ST18: variants seen among roughly 807,000 people sequenced by gnomAD.
ST18 encodes the protein suppression of tumorigenicity 18 protein.
In ST18, 50 loss-of-function variants were observed where a neutral mutation model predicts 110.0. That is an observed-to-expected ratio of 0.45 (90% CI 0.36 to 0.58). The LOEUF is 0.58. Ranked by LOEUF, ST18 falls within the 20% of genes least tolerant of loss-of-function variation. ST18 has a pLI of 0.00. For synonymous variants in ST18, 461 were observed against 452.4 expected, an observed-to-expected ratio of 1.02 and a Z score of -0.24; for missense variants, 1,306 against 1,280.1, an observed-to-expected ratio of 1.02 and a Z score of -0.31.
chr8:52,390,849 A>G (rs1839085122), intron 2 of ST18, among the ~76,000 whole-genome samples: 1 of 152,258 alleles, frequency 6.6e-6, no homozygotes, highest in Non-Finnish European at 1.5e-5. Context: ...TCCAAAGGCC[A>G]CAGGTGCAGA....
chr8:52,388,221 G>A (rs891496472), intron 2 of ST18, among the ~76,000 whole-genome samples: 1 of 152,090 alleles, frequency 6.6e-6, no homozygotes, highest in East Asian at 1.9e-4. Context: ...GGGCGAATAC[G>A]GAGATGTGCA....
In ST18 at chr8:52,175,264, G is replaced by A. The variant is rs7833359; in HGVS notation, c.278-2681C>T. Among the ~76,000 whole-genome samples, 851 of 152,262 alleles carry A rather than the reference G, an allele frequency of 5.6e-3. 1 individual carries two copies. Among genetic ancestry groups the A allele is most frequent in the Middle Eastern group, 0.024 (7 of 294 alleles). On this transcript the variant is annotated intron_variant, in intron 9 of 25. Coordinates refer to ENST00000689386, the MANE Select transcript of ST18 (RefSeq NM_001352837.2). ...CCAGCTACTATTTTAGAAGGTAGTC[G>A]TGGCAGGGATTCTATGCAACCTTTA...
At chr8:52,400,857 G>A (rs532443277) in intron 2 of ST18, among the ~76,000 whole-genome samples, 26 of 151,910 alleles carry the variant, frequency 1.7e-4, no homozygotes, top group Non-Finnish European at 3.1e-4. Context: ...AGATTTACAC[G>A]CCACCACTAC....
intron 8 of ST18, among the ~76,000 whole-genome samples, chr8:52,189,754 C>A (rs1052900095): frequency 6.6e-6 from 1 of 152,158 alleles, no homozygotes; most frequent in Non-Finnish European, 1.5e-5. Context: ...TTCATCATGG[C>A]CCTTTGATAG....
At chr8:52,265,852 G>T (rs1353141467) in intron 2 of ST18, among the ~76,000 whole-genome samples, 2 of 152,244 alleles carry the variant, frequency 1.3e-5, no homozygotes, top group East Asian at 3.9e-4. Context: ...CAAGATAAAG[G>T]GACTGGATAA....
intron 2 of ST18, among the ~76,000 whole-genome samples, chr8:52,353,480 C>A (rs1413478273): frequency 6.6e-6 from 1 of 152,148 alleles, no homozygotes; most frequent in Non-Finnish European, 1.5e-5. Context: ...GTTGCCTTTG[C>A]TGCCAGAAAG....
intron 2 of ST18, among the ~76,000 whole-genome samples, chr8:52,350,752 G>T (rs954457572): frequency 6.7e-5 from 10 of 149,390 alleles, no homozygotes; most frequent in Admixed American, 2.0e-4. Context: ...ATGGAGTCTC[G>T]CTCTGTTGCC....
At chr8:52,365,390 C>T (rs188080709) in intron 2 of ST18, among the ~76,000 whole-genome samples, 3 of 151,714 alleles carry the variant, frequency 2.0e-5, no homozygotes, top group Admixed American at 1.3e-4. Context: ...ACCCTGAAAA[C>T]GGAGGATATG....
At chr8:52,260,017 A>T (rs918088753) in intron 2 of ST18, among the ~76,000 whole-genome samples, 3 of 152,230 alleles carry the variant, frequency 2.0e-5, no homozygotes, top group African/African-American at 7.2e-5. Context: ...AACATAGTGA[A>T]GTTTTCTTCA....
intron 8 of ST18, among the ~76,000 whole-genome samples, chr8:52,188,037 G>T (rs868159752): frequency 2.0e-5 from 3 of 152,146 alleles, no homozygotes; most frequent in Middle Eastern, 3.4e-3. Flanking sequence ...CAATAAATAC[G>T]TAATAAGTGC....
At chr8:52,197,354 C>G (rs1014443685) in intron 8 of ST18, among the ~76,000 whole-genome samples, 2 of 152,178 alleles carry the variant, frequency 1.3e-5, no homozygotes, top group Non-Finnish European at 2.9e-5. Flanking sequence ...CCATCAAATA[C>G]TAAGTTCCTA....
At chr8:52,174,950 A>G (rs2066327747) in intron 9 of ST18, among the ~76,000 whole-genome samples, 1 of 151,690 alleles carries the variant, frequency 6.6e-6, no homozygotes, top group Admixed American at 6.6e-5. Flanking sequence ...GGTTGCCTTC[A>G]TTTTCTCAGG....
chr8:52,204,253 A>T (rs960241950), intron 8 of ST18, among the ~76,000 whole-genome samples: 7 of 152,234 alleles, frequency 4.6e-5, no homozygotes, highest in African/African-American at 1.7e-4. Context: ...AATACCAAAG[A>T]AACCCAGATT....
chr8:52,388,103 A>G (rs1183276807), intron 2 of ST18, among the ~76,000 whole-genome samples: 2 of 152,184 alleles, frequency 1.3e-5, no homozygotes, highest in Non-Finnish European at 2.9e-5. Flanking sequence ...TTGTTTCGAA[A>G]ATGCGAGTTT....
At chr8:52,126,248 A>G in intron 22 of ST18, 108 bp from the exon 23 acceptor site, 1 of 1,050,158 alleles carries the variant, frequency 9.5e-7, no homozygotes, top group Non-Finnish European at 1.4e-6. Context: ...CCGATTAATT[A>G]CATTATAACC....
intron 2 of ST18, among the ~76,000 whole-genome samples, chr8:52,271,819 T>C (rs753487991): frequency 9.2e-5 from 14 of 152,262 alleles, no homozygotes; most frequent in Non-Finnish European, 1.8e-4. Context: ...AATGAACAAA[T>C]GCTTTCTTAC....
At chr8:52,395,680 G>A (rs529866502) in intron 2 of ST18, among the ~76,000 whole-genome samples, 38 of 152,318 alleles carry the variant, frequency 2.5e-4, no homozygotes, top group Middle Eastern at 6.8e-3. Context: ...TTCAGAAAAC[G>A]TTGAGGGTAC....
chr8:52,139,038 T>C (rs1028443784), intron 17 of ST18, among the ~76,000 whole-genome samples: 3 of 152,210 alleles, frequency 2.0e-5, no homozygotes, highest in Admixed American at 2.0e-4. Context: ...TTTCAGGGTC[T>C]GATCCAAGCT....
At chr8:52,265,429 G>A (rs542690440) in intron 2 of ST18, among the ~76,000 whole-genome samples, 4 of 152,344 alleles carry the variant, frequency 2.6e-5, no homozygotes, top group South Asian at 2.1e-4. Context: ...TTAGAAGATC[G>A]CTCTAGCAGC....
Sources: allele counts gnomAD v4.1 joint callset (sites outside exome capture counted in the v4.1 genomes callset), GRCh38; gene constraint gnomAD v4.1.1; transcripts MANE v1.5; gene names NCBI Gene and HGNC (gene_info 2026-07-23, HGNC 2026-07-21).